The following PITHD1 variants were observed in gnomAD, a reference collection of about 807,000 sequenced individuals.
PITHD1 encodes PITH domain-containing protein 1.
Under a neutral mutation model 27.5 loss-of-function variants are expected in PITHD1, and 8 were observed. The observed-to-expected ratio is 0.29, with a 90% CI of 0.17 to 0.52. The LOEUF (loss-of-function observed/expected upper bound fraction) is 0.52, where lower values mean the gene tolerates loss of function less well. Among genes scored for constraint, PITHD1 ranks in the 20% least tolerant of loss-of-function variants. PITHD1 has a pLI of 0.96. For missense variants in PITHD1, 233 were observed against 283.9 expected, an observed-to-expected ratio of 0.82 and a Z score of 1.29; for synonymous variants, 118 against 106.8, an observed-to-expected ratio of 1.10 and a Z score of -0.64.
At chr1:23,786,982 G>A (rs1259980095) in intron 5 of PITHD1, among the ~76,000 whole-genome samples, 2 of 152,094 alleles carry the variant, frequency 1.3e-5, no homozygotes, top group Admixed American at 6.6e-5. Context: ...ATGAACCAGG[G>A]ATAAGATAAT....
chr1:23,787,497 T>C lies in PITHD1; in HGVS notation c.*121T>C, dbSNP rs1638703499. On this transcript the variant is annotated 3_prime_UTR_variant, in exon 6 of 6. Transcript: ENST00000246151. ...CTGCCACAGCCTCTGCCAAGCTTTG[T>C]CTTTGGGGCTTGCTGCAGAAACCTG... 1.6e-6 allele frequency: 1 copy of C among 610,182 alleles called. No individual in the cohort carries two copies. Among genetic ancestry groups the C allele is most frequent in the African/African-American group, 1.8e-5 (1 of 54,098 alleles). The allele number at this position is 610,182 out of a possible 1,614,324, so 37.8% of individuals were successfully genotyped here.
chr1:23,786,361 A>G lies in PITHD1; in HGVS notation c.472A>G (p.Lys158Glu), dbSNP rs1286721464. 1.2e-6 allele frequency: 2 copies of G among 1,606,128 alleles called. No homozygotes were observed. Among genetic ancestry groups the G allele is most frequent in the Non-Finnish European group, 1.7e-6 (2 of 1,173,472 alleles). ...CTATCATCTCTCAATTCATATTTCAAAAAACTTCGGAGCAGATACGACAAA... is the reference window on the plus strand; with the variant it reads ...CTATCATCTCTCAATTCATATTTCAGAAAACTTCGGAGCAGATACGACAAA... ...NVYHLSIHIS[K>E]NFGADTTKVF... is the part of the protein sequence containing the mutation. Residue 158 changes from lysine to glutamate, a missense_variant, in exon 5 of 6, where the codon AAA becomes GAA. Transcript: ENST00000246151.
At chr1:23,785,654 T>G in intron 3 of PITHD1, 21 bp from the exon 4 acceptor site, 1 of 1,492,260 alleles carries the variant, frequency 6.7e-7, no homozygotes, top group Non-Finnish European at 9.3e-7. Context: ...TTCTTGACTT[T>G]TCTTTCCTTT....
intron 3 of PITHD1, among the ~76,000 whole-genome samples, chr1:23,782,514 G>A (rs1360345548): frequency 6.6e-6 from 1 of 152,000 alleles, no homozygotes; most frequent in African/African-American, 2.4e-5. Flanking sequence ...AGGATCACTT[G>A]AGCCTAGGAA....
intron 3 of PITHD1, 135 bp downstream of exon 3, chr1:23,780,076 C>T (rs1043191900): frequency 6.3e-6 from 4 of 634,156 alleles, no homozygotes; most frequent in South Asian, 1.9e-5. Flanking sequence ...GTCCTGTTCT[C>T]ATTCTGCATT....
At chr1:23,786,281 C>A in intron 4 of PITHD1, 34 bp from the exon 5 acceptor site, 1 of 973,788 alleles carries the variant, frequency 1.0e-6, no homozygotes. Flanking sequence ...AACTATAATT[C>A]ATACCTTCTT....
chr1:23,782,604 ATTAT>A (rs1038617784), intron 3 of PITHD1, among the ~76,000 whole-genome samples: 5 of 151,922 alleles, frequency 3.3e-5, no homozygotes, highest in Non-Finnish European at 7.4e-5. Flanking sequence ...TTAAAAAAAA[ATTAT>A]TTATATAGTT....
chr1:23,781,260 C>G (rs1196090136), intron 3 of PITHD1, among the ~76,000 whole-genome samples: 6 of 152,076 alleles, frequency 3.9e-5, no homozygotes, highest in Non-Finnish European at 1.5e-5. Context: ...GCCAGGAGTT[C>G]AAGATCATCC....
chr1:23,785,429 GTTGCAGTGAGCTGAGA>G, intron 3 of PITHD1: 1 of 267,242 alleles, frequency 3.7e-6, no homozygotes, highest in South Asian at 4.2e-5. Context: ...GGAGGTGGAG[GTTGCAGTGAGCTGAGA>G]TTGTACCATT....
At position 23,786,288 on chromosome 1, in the gene PITHD1, TC is replaced by T. The variant is rs761079531; in HGVS notation, c.426-26del. 6.8e-6 allele frequency: 7 copies of T among 1,030,958 alleles called. No homozygotes were observed. The South Asian group carries it at 9.5e-5, about 14-fold the overall frequency. 63.9% of individuals were successfully genotyped at this position (1,030,958 alleles called of 1,614,324 possible). A position where few individuals can be genotyped will look rare whatever the true frequency, so the allele number is the denominator to read the frequency against. ...ACTCATTGAACTATAATTCATACCT[TC>T]TTTCCCTATTCCTGTCATCCTCTAG... is the stretch of plus-strand genomic sequence containing the variant. On this transcript the variant is annotated intron_variant, in intron 4 of 5. Coordinates refer to ENST00000246151, the MANE Select transcript of PITHD1 (RefSeq NM_020362.5).
intron 3 of PITHD1, 48 bp from the exon 4 acceptor site, chr1:23,785,627 A>G: frequency 8.1e-7 from 1 of 1,232,878 alleles, no homozygotes; most frequent in Non-Finnish European, 1.2e-6. Flanking sequence ...GAAAACCTGA[A>G]ACGTGATAAT....
At position 23,785,798 on chromosome 1, in the gene PITHD1, T is replaced by A; in HGVS notation, c.425+19T>A. The A allele has an allele frequency of 1.5e-6, 2 of 1,345,292 alleles. No individual in the cohort carries two copies. The highest frequency in any genetic ancestry group is 2.1e-6 in the Non-Finnish European group (2 of 935,294). 83.3% of individuals were successfully genotyped at this position (1,345,292 alleles called of 1,614,324 possible). A position where few individuals can be genotyped will look rare whatever the true frequency, so the allele number is the denominator to read the frequency against. On this transcript the variant is annotated intron_variant, in intron 4 of 5. Coordinates refer to ENST00000246151, the MANE Select transcript of PITHD1 (RefSeq NM_020362.5). Reference sequence around the variant, plus strand: ...CTACAAAGTAAGCACTGGGCCTGTCTTCCATTCTCTATGGCTTCTTATAGG... The same window carrying A: ...CTACAAAGTAAGCACTGGGCCTGTCATCCATTCTCTATGGCTTCTTATAGG...
chr1:23,779,339 A>T (rs1638560805), intron 1 of PITHD1, 99 bp from the exon 2 acceptor site: 1 of 888,364 alleles, frequency 1.1e-6, no homozygotes, highest in Non-Finnish European at 1.9e-6. Flanking sequence ...GACTCTTCCC[A>T]TTGCACCCCA....
At chr1:23,781,100 A>C (rs1353130159) in intron 3 of PITHD1, among the ~76,000 whole-genome samples, 1 of 152,140 alleles carries the variant, frequency 6.6e-6, no homozygotes, top group Non-Finnish European at 1.5e-5. Flanking sequence ...AGGCAGGAGA[A>C]TCGCTTGAAC....
intron 4 of PITHD1, 71 bp downstream of exon 4, chr1:23,785,850 C>G (rs1490411274): frequency 4.8e-6 from 4 of 831,644 alleles, no homozygotes; most frequent in South Asian, 1.4e-5. Flanking sequence ...TGGCCAGTCT[C>G]CTGCTCTCTT....
rs1452160436 is a variant in PITHD1, at chr1:23,778,450, T to TGAGGC, written c.-62_-58dup. On this transcript the variant is annotated 5_prime_UTR_variant, in exon 1 of 6. Coordinates refer to ENST00000246151, the MANE Select transcript of PITHD1 (RefSeq NM_020362.5). ...GGAGCTGAACGGCGCGGAGCTGGTCTGAGGCGAGCCGAGCCGAGCGAGCGC... is the reference window on the plus strand; with the variant it reads ...GGAGCTGAACGGCGCGGAGCTGGTCTGAGGCGAGGCGAGCCGAGCCGAGCGAGCGC... The TGAGGC allele has an allele frequency of 5.5e-5, 65 of 1,173,154 alleles. No individual in the cohort carries two copies. Among genetic ancestry groups the TGAGGC allele is most frequent in the Non-Finnish European group, 6.7e-5 (62 of 918,550 alleles). 72.7% of individuals were successfully genotyped at this position (1,173,154 alleles called of 1,614,324 possible). A position where few individuals can be genotyped will look rare whatever the true frequency, so the allele number is the denominator to read the frequency against.
At chr1:23,786,169 G>C (rs1348702257) in intron 4 of PITHD1, 146 bp from the exon 5 acceptor site, 3 of 541,308 alleles carry the variant, frequency 5.5e-6, no homozygotes, top group Admixed American at 6.1e-5. Context: ...TGAATTAATT[G>C]CCTGTCCAAA....
At chr1:23,782,160 T>C (rs548680777) in intron 3 of PITHD1, among the ~76,000 whole-genome samples, 1 of 152,324 alleles carries the variant, frequency 6.6e-6, no homozygotes, top group South Asian at 2.1e-4. Flanking sequence ...GGCTTACACC[T>C]ATAATCCCAG....
chr1:23,779,552 C>G, intron 2 of PITHD1, 71 bp downstream of exon 2: 1 of 1,157,526 alleles, frequency 8.6e-7, no homozygotes, highest in Non-Finnish European at 1.3e-6. Context: ...GATTCATTCA[C>G]TGGTGTCAAG....
Sources: gnomAD v4.1 joint callset for allele counts (sites outside exome capture counted in the v4.1 genomes callset) on GRCh38, gnomAD v4.1.1 for gene constraint, MANE v1.5 for transcripts, NCBI Gene and HGNC (gene_info 2026-07-23, HGNC 2026-07-21) for gene names.